TTC12: variants seen among roughly 807,000 people sequenced by gnomAD.
TTC12 encodes tetratricopeptide repeat protein 12.
TTC12 carries 70 observed loss-of-function variants against 90.1 expected under a neutral mutation model. The ratio of observed to expected loss-of-function variants is 0.78; its 90% CI spans 0.64 to 0.95. TTC12 has a LOEUF of 0.95. TTC12 is among the 40% of genes least tolerant of loss of function. The probability of loss-of-function intolerance (pLI) is 0.00; values close to 1 mark genes in which losing one functional copy is unlikely to be tolerated. For missense variants in TTC12, 819 were observed against 846.1 expected, an observed-to-expected ratio of 0.97 and a Z score of 0.40; for synonymous variants, 296 against 311.5, an observed-to-expected ratio of 0.95 and a Z score of 0.53.
At position 113,359,601 on chromosome 11, in the gene TTC12, G is replaced by T. The variant is rs531165557; in HGVS notation, c.1545+140G>T. ...CCGTGGAATGGGAAAAGGCTGGAGG[G>T]ATGCGCTCTCCCTTTGCTCTGCTGA... On this transcript the variant is annotated intron_variant, in intron 17 of 21. Transcript: ENST00000529221. 4.9e-5 allele frequency: 32 copies of T among 656,716 alleles called. No individual in the cohort carries two copies. In the African/African-American group the frequency reaches 5.2e-4, roughly 11 times the overall value. 40.7% of individuals were successfully genotyped at this position (656,716 alleles called of 1,614,324 possible).
chr11:113,330,098 A>G, intron 7 of TTC12, 119 bp downstream of exon 7: 1 of 792,916 alleles, frequency 1.3e-6, no homozygotes, highest in Non-Finnish European at 2.2e-6. Flanking sequence ...CAGTTTCCTC[A>G]TCTGTAGAAT....
At chr11:113,363,541 C>T (rs1950049210) in intron 19 of TTC12, among the ~76,000 whole-genome samples, 2 of 152,198 alleles carry the variant, frequency 1.3e-5, no homozygotes, top group Admixed American at 6.5e-5. Context: ...CAGCATCATT[C>T]TCTTCTCAGC....
chr11:113,316,082 G>A, intron 1 of TTC12, 161 bp from the exon 2 acceptor site: 1 of 401,544 alleles, frequency 2.5e-6, no homozygotes, highest in Non-Finnish European at 4.5e-6. Flanking sequence ...GCCTAAAACA[G>A]CAGTTGGAAT....
At chr11:113,360,986 A>G (rs1350428416) in intron 18 of TTC12, among the ~76,000 whole-genome samples, 1 of 152,228 alleles carries the variant, frequency 6.6e-6, no homozygotes, top group Non-Finnish European at 1.5e-5. Context: ...CCAGACCTAA[A>G]GGTGAGCCTA....
chr11:113,335,399 G>A (rs868967297), intron 8 of TTC12, among the ~76,000 whole-genome samples: 4 of 152,188 alleles, frequency 2.6e-5, no homozygotes, highest in Middle Eastern at 3.4e-3. Context: ...ATTATATATC[G>A]TTAAAAGTAG....
At position 113,324,611 on chromosome 11, in the gene TTC12, T is replaced by C; in HGVS notation, c.251T>C (p.Phe84Ser). 6.2e-7 allele frequency: 1 copy of C among 1,613,654 alleles called. No individual in the cohort carries two copies. The highest frequency in any genetic ancestry group is 8.5e-7 in the Non-Finnish European group (1 of 1,179,758). ...GAAATTACCCTGCTGTCAGAGGCCT[T>C]CTTGGCATCTGTGGAGAAGGATGCA... ...KSAEEINSEA[F>S]LASVEKDAKE... The change falls in exon 5 of 22, where the codon TTC (phenylalanine) becomes TCC (serine). Residue 84 changes from phenylalanine to serine, a missense_variant. Transcript: ENST00000529221.
chr11:113,351,234 A>G lies in TTC12; in HGVS notation c.1248-5A>G, dbSNP rs1555150059. On this transcript the variant is annotated splice_polypyrimidine_tract_variant and splice_region_variant and intron_variant, in intron 14 of 21. Transcript: ENST00000529221. ...AATAAATCCTGGCTGATGGTTTCTC[A>G]ACAGATTCCAAGTCTGGTTCCAGGC... 1.2e-6 allele frequency: 2 copies of G among 1,613,764 alleles called. No individual in the cohort carries two copies. Among genetic ancestry groups the G allele is most frequent in the Non-Finnish European group, 1.7e-6 (2 of 1,179,748 alleles).
intron 5 of TTC12, among the ~76,000 whole-genome samples, chr11:113,325,038 TA>T (rs1555140474): frequency 2.6e-5 from 4 of 151,832 alleles, no homozygotes; most frequent in Admixed American, 2.6e-4. Context: ...AAAAGAAAAA[TA>T]AAACAGCTGT....
chr11:113,315,732 A>C (rs1946895958), intron 1 of TTC12, among the ~76,000 whole-genome samples: 1 of 152,250 alleles, frequency 6.6e-6, no homozygotes. Flanking sequence ...TAATCCCTTC[A>C]GTCAATTTGT....
At position 113,364,998 on chromosome 11, in the gene TTC12, G is replaced by C; in HGVS notation, c.1980G>C (p.Gln660His). 2 of 1,614,192 alleles carry C rather than the reference G, an allele frequency of 1.2e-6. No homozygotes were observed. The highest frequency in any genetic ancestry group is 1.7e-6 in the Non-Finnish European group (2 of 1,180,038). ...TAAAGCTTGCAGGCAGTGACACACA[G>C]AAGACGGCCGTGCAGGTGAACGCAG... ...VLLKLAGSDT[Q>H]KTAVQVNAGI... is the part of the protein sequence containing the mutation. Residue 660 changes from glutamine (Q) to histidine (H), a missense_variant, in exon 21 of 22, where the codon CAG becomes CAC. Transcript: ENST00000529221.
intron 14 of TTC12, among the ~76,000 whole-genome samples, chr11:113,350,968 A>G (rs1419507977): frequency 6.6e-6 from 1 of 152,234 alleles, no homozygotes; most frequent in Non-Finnish European, 1.5e-5. Flanking sequence ...TCAGCTTGGC[A>G]GAAGCCTAGA....
At chr11:113,346,844 G>C (rs925786169) in intron 13 of TTC12, among the ~76,000 whole-genome samples, 3 of 151,816 alleles carry the variant, frequency 2.0e-5, no homozygotes, top group Non-Finnish European at 2.9e-5. Flanking sequence ...TTTCTCTTAG[G>C]GTATATTGTT....
chr11:113,328,664 G>T (rs1291057292), intron 6 of TTC12, among the ~76,000 whole-genome samples: 1 of 151,924 alleles, frequency 6.6e-6, no homozygotes, highest in Non-Finnish European at 1.5e-5. Context: ...CCCTTTTATA[G>T]TACACAATTT....
intron 7 of TTC12, 24 bp from the exon 8 acceptor site, chr11:113,334,942 G>A (rs1948275653): frequency 1.9e-6 from 3 of 1,601,776 alleles, no homozygotes; most frequent in East Asian, 2.2e-5. Context: ...TAAAACTTCT[G>A]ATCAGTCATT....
Position 113,341,943 on chromosome 11 carries a change from C to G in TTC12, c.985+18C>G, listed in dbSNP as rs1555146289. 6.3e-7 allele frequency: 1 copy of G among 1,596,000 alleles called. No homozygotes were observed. Among genetic ancestry groups the G allele is most frequent in the Admixed American group, 1.7e-5 (1 of 60,012 alleles). ...CAGGAACGGTAAGCCTGGGTAATCA[C>G]CGTTGATCACCATTAATGCGCTGCG... On this transcript the variant is annotated intron_variant, in intron 12 of 21. Transcript: ENST00000529221.
chr11:113,349,524 C>A lies in TTC12; in HGVS notation c.1155-549C>A, dbSNP rs113163929. On this transcript the variant is annotated intron_variant, in intron 13 of 21. Transcript: ENST00000529221. ...TGTAAGTGGCTAAAAATCCTTAAAT[C>A]TTTCTCATAGGAACCAGTTATAAAC... Among the ~76,000 whole-genome samples the A allele has an allele frequency of 7.1e-3, 1,088 of 152,292 alleles. 13 individuals carry two copies. Among genetic ancestry groups the A allele is most frequent in the African/African-American group, 0.024 (989 of 41,550 alleles).
At chr11:113,326,169 G>A (rs1947684138) in intron 6 of TTC12, among the ~76,000 whole-genome samples, 1 of 152,058 alleles carries the variant, frequency 6.6e-6, no homozygotes, top group South Asian at 2.1e-4. Context: ...GGAAATTTTG[G>A]GTTTCTGAAG....
chr11:113,336,180 G>C (rs1948361512), intron 8 of TTC12, among the ~76,000 whole-genome samples: 1 of 152,022 alleles, frequency 6.6e-6, no homozygotes, highest in African/African-American at 2.4e-5. Context: ...ATGATGTTGA[G>C]GATCTTTTCA....
chr11:113,346,876 C>T lies in TTC12; in HGVS notation c.1154+2436C>T, dbSNP rs368506093. Reference sequence around the variant, plus strand: ...TGTTTAGGGTCCTAAACTGAAGTAACCTTGCATTTATTAGTTACATGAAAG... The same window carrying T: ...TGTTTAGGGTCCTAAACTGAAGTAATCTTGCATTTATTAGTTACATGAAAG... On this transcript the variant is annotated intron_variant, in intron 13 of 21. Coordinates refer to ENST00000529221, the MANE Select transcript of TTC12 (RefSeq NM_017868.4). 7.2e-5 allele frequency among the ~76,000 whole-genome samples: 11 copies of T among 151,976 alleles called. No individual in the cohort carries two copies. The East Asian group carries it at 1.4e-3, about 19-fold the overall frequency.
Sources: allele counts gnomAD v4.1 joint callset (sites outside exome capture counted in the v4.1 genomes callset), GRCh38; gene constraint gnomAD v4.1.1; transcripts MANE v1.5; gene names NCBI Gene and HGNC (gene_info 2026-07-23, HGNC 2026-07-21).